Variants in TMEM196 observed in about 807,000 individuals in gnomAD.
TMEM196 encodes the protein transmembrane protein 196.
Under a neutral mutation model 20.0 loss-of-function variants are expected in TMEM196, and 17 were observed. That is an observed-to-expected ratio of 0.85 (90% CI 0.58 to 1.27). The LOEUF is 1.27. Among genes scored for constraint, TMEM196 ranks in the 50% most tolerant of loss-of-function variants. TMEM196 has a pLI of 0.00. For missense variants in TMEM196, 267 were observed against 223.0 expected (o/e 1.20, Z -1.26); for synonymous variants, 113 against 88.9 (o/e 1.27, Z -1.52).
At chr7:19,745,400 C>G (rs1006880610) in intron 1 of TMEM196, among the ~76,000 whole-genome samples, 2 of 151,970 alleles carry the variant, frequency 1.3e-5, no homozygotes, top group Non-Finnish European at 2.9e-5. Flanking sequence ...TTATAAATTG[C>G]TCCCAGTAAA....
chr7:19,725,911 G>T (rs182736022), intron 2 of TMEM196, 143 bp from the exon 3 acceptor site: 2 of 982,304 alleles, frequency 2.0e-6, no homozygotes, highest in African/African-American at 3.3e-5. Context: ...GAGGACAGGA[G>T]ATTTTTTTTT....
intron 1 of TMEM196, among the ~76,000 whole-genome samples, chr7:19,757,472 C>T (rs1785267251): frequency 1.3e-5 from 2 of 150,594 alleles, no homozygotes; most frequent in South Asian, 4.2e-4. Context: ...GAACTCCTAA[C>T]CTCAATTGAT....
intron 3 of TMEM196, among the ~76,000 whole-genome samples, chr7:19,725,280 A>T (rs552592717): frequency 6.6e-6 from 1 of 152,350 alleles, no homozygotes; most frequent in South Asian, 2.1e-4. Flanking sequence ...TTTATGAAAT[A>T]CTATTTTAAG....
Position 19,769,565 on chromosome 7 carries a change from C to T in TMEM196, c.147+2985G>A, listed in dbSNP as rs572869857. Among the ~76,000 whole-genome samples the T allele has an allele frequency of 2.0e-4, 30 of 152,080 alleles. 1 individual carries two copies. The highest frequency in any genetic ancestry group is 8.8e-5 in the Non-Finnish European group (6 of 68,024). On this transcript the variant is annotated intron_variant, in intron 1 of 4. Coordinates refer to ENST00000405844, the MANE Select transcript of TMEM196 (RefSeq NM_001363562.2). ...ATGCCCTCCACTGCCAGTCTGTGCA[C>T]TCAGTATTAGCTGCTCATATTTACT...
At chr7:19,726,559 G>A (rs1441738351) in intron 2 of TMEM196, among the ~76,000 whole-genome samples, 1 of 151,572 alleles carries the variant, frequency 6.6e-6, no homozygotes, top group African/African-American at 2.4e-5. Context: ...TCGTTTGTTC[G>A]TTTTAGAGAA....
chr7:19,765,230 A>C (rs1935833477), intron 1 of TMEM196, among the ~76,000 whole-genome samples: 3 of 152,142 alleles, frequency 2.0e-5, no homozygotes, highest in Non-Finnish European at 2.9e-5. Context: ...TCCCAAGTTG[A>C]TCTATTTATT....
chr7:19,724,224 G>C, intron 4 of TMEM196, 56 bp downstream of exon 4: 1 of 1,442,602 alleles, frequency 6.9e-7, no homozygotes, highest in South Asian at 1.2e-5. Context: ...TTCTGGAAGG[G>C]GAAGTGCTTT....
chr7:19,722,763 A>G (rs1783854651), intron 4 of TMEM196, among the ~76,000 whole-genome samples: 1 of 152,186 alleles, frequency 6.6e-6, no homozygotes, highest in African/African-American at 2.4e-5. Context: ...AAGCACTGAA[A>G]ATATAGATGC....
At position 19,720,222 on chromosome 7, in the gene TMEM196, C is replaced by A. The variant is rs1349732469; in HGVS notation, c.*1906G>T. On this transcript the variant is annotated 3_prime_UTR_variant, in exon 5 of 5. Transcript: ENST00000405844. ...GTAATCTACTAGGCAATGAAGTTAT[C>A]CAAAGGAATTGGGAGACTTCAAAAA... 1 of 151,888 alleles carries A rather than the reference C, an allele frequency of 6.6e-6. No individual in the cohort carries two copies. Among genetic ancestry groups the A allele is most frequent in the Non-Finnish European group, 1.5e-5 (1 of 67,890 alleles). 9.4% of individuals were successfully genotyped at this position (151,888 alleles called of 1,614,324 possible). A position where few individuals can be genotyped will look rare whatever the true frequency, so the allele number is the denominator to read the frequency against.
rs561918112 is a variant in TMEM196 at position 19,721,511 on chromosome 7, C to G, written c.*617G>C. On this transcript the variant is annotated 3_prime_UTR_variant, in exon 5 of 5. Transcript: ENST00000405844. Reference sequence around the variant, plus strand: ...AATACCATATAGATTAGTATTCTCTCTCTCTAAAAAGTCTCTTTTTTATGC... The same window carrying G: ...AATACCATATAGATTAGTATTCTCTGTCTCTAAAAAGTCTCTTTTTTATGC... 3.3e-5 allele frequency: 5 copies of G among 152,122 alleles called. No individual in the cohort carries two copies. The highest frequency in any genetic ancestry group is 1.2e-4 in the African/African-American group (5 of 41,552). The allele number at this position is 152,122 out of a possible 1,614,324, so 9.4% of individuals were successfully genotyped here. A position where few individuals can be genotyped will look rare whatever the true frequency, so the allele number is the denominator to read the frequency against.
rs750431275 is a variant in TMEM196 at position 19,724,276 on chromosome 7, G to C, written c.533+4C>G. ...ACATGGTAACTCCCTAGAAATCAGC[G>C]TACCTTGTAGGTAACTCTGGTGTCG... is the stretch of plus-strand genomic sequence containing the variant. On this transcript the variant is annotated splice_donor_region_variant and intron_variant, in intron 4 of 4. Coordinates refer to ENST00000405844, the MANE Select transcript of TMEM196 (RefSeq NM_001363562.2). The C allele has an allele frequency of 1.7e-5, 26 of 1,550,208 alleles. No individual in the cohort carries two copies. Among genetic ancestry groups the C allele is most frequent in the Non-Finnish European group, 2.3e-5 (26 of 1,146,714 alleles).
At chr7:19,739,946 A>G (rs773100883) in intron 1 of TMEM196, among the ~76,000 whole-genome samples, 1 of 151,152 alleles carries the variant, frequency 6.6e-6, no homozygotes, top group Non-Finnish European at 1.5e-5. Context: ...TCAAAATTAT[A>G]CAGGTGTGTT....
intron 1 of TMEM196, among the ~76,000 whole-genome samples, chr7:19,731,365 T>C (rs1482421347): frequency 1.3e-5 from 2 of 152,212 alleles, no homozygotes; most frequent in Admixed American, 6.5e-5. Context: ...CACTGTGTCC[T>C]AAGTGTAGAT....
chr7:19,752,780 A>G (rs973879839), intron 1 of TMEM196, among the ~76,000 whole-genome samples: 2 of 151,626 alleles, frequency 1.3e-5, no homozygotes, highest in African/African-American at 2.4e-5. Flanking sequence ...ACGCCTGGCT[A>G]ATTTTTGTAT....
intron 2 of TMEM196, among the ~76,000 whole-genome samples, chr7:19,727,214 T>C (rs139092267): frequency 4.6e-5 from 7 of 152,184 alleles, no homozygotes; most frequent in Admixed American, 1.3e-4. Flanking sequence ...CTCTTGAGAA[T>C]AGTTAAATCT....
At chr7:19,772,163 T>C (rs1198998838) in intron 1 of TMEM196, among the ~76,000 whole-genome samples, 1 of 151,992 alleles carries the variant, frequency 6.6e-6, no homozygotes, top group Non-Finnish European at 1.5e-5. Context: ...ATTTTCCTTG[T>C]AGAAGGAACA....
In TMEM196 at chr7:19,721,007, AATTTT is replaced by A. The variant is rs1195474468; in HGVS notation, c.*1116_*1120del. The A allele has an allele frequency of 6.6e-6, 1 of 151,938 alleles. No individual in the cohort carries two copies. Among genetic ancestry groups the A allele is most frequent in the African/African-American group, 2.4e-5 (1 of 41,448 alleles). 9.4% of individuals were successfully genotyped at this position (151,938 alleles called of 1,614,324 possible). On this transcript the variant is annotated 3_prime_UTR_variant, in exon 5 of 5. Transcript: ENST00000405844. ...TTAAAGTCATGTTCGTTTATAAATT[AATTTT>A]AATTGCTATACATAAATACTATAAT... is the stretch of plus-strand genomic sequence containing the variant.
intron 1 of TMEM196, among the ~76,000 whole-genome samples, chr7:19,736,476 T>C (rs1784413284): frequency 6.7e-6 from 1 of 148,870 alleles, no homozygotes; most frequent in African/African-American, 2.5e-5. Flanking sequence ...CAAATTTGGC[T>C]GCATATTAGC....
chr7:19,772,501 G>C (rs762895441), intron 1 of TMEM196, 49 bp downstream of exon 1: 21 of 1,492,390 alleles, frequency 1.4e-5, no homozygotes, highest in Non-Finnish European at 1.8e-5. Context: ...ACCGTAAAGA[G>C]GTAAAGAGAG....
Sources: gnomAD v4.1 joint callset for allele counts (sites outside exome capture counted in the v4.1 genomes callset) on GRCh38, gnomAD v4.1.1 for gene constraint, MANE v1.5 for transcripts, NCBI Gene and HGNC (gene_info 2026-07-23, HGNC 2026-07-21) for gene names.